PDE1C: variants seen among roughly 807,000 people sequenced by gnomAD.
PDE1C encodes the protein phosphodiesterase 1C, also known as dual specificity calcium/calmodulin-dependent 3',5'-cyclic nucleotide phosphodiesterase 1C.
A neutral mutation model predicts 93.1 loss-of-function variants in PDE1C; 62 were observed. That is an observed-to-expected ratio of 0.67 (90% confidence interval 0.54 to 0.82). PDE1C has a LOEUF of 0.82. Ranked by LOEUF, PDE1C falls within the 40% of genes least tolerant of loss-of-function variation. PDE1C has a pLI of 0.00. For missense variants in PDE1C, 742 were observed against 884.6 expected, an observed-to-expected ratio of 0.84 and a Z score of 2.04; for synonymous variants, 325 against 310.1, an observed-to-expected ratio of 1.05 and a Z score of -0.50.
At chr7:31,790,052 C>T (rs544989109) in intron 16 of PDE1C, 3 of 1,390,410 alleles carry the variant, frequency 2.2e-6, no homozygotes, top group East Asian at 5.4e-5. Flanking sequence ...AACCAACCCC[C>T]AAAGATTCAT....
At chr7:31,984,540 C>T (rs1194980373) in intron 2 of PDE1C, among the ~76,000 whole-genome samples, 1 of 152,204 alleles carries the variant, frequency 6.6e-6, no homozygotes, top group Non-Finnish European at 1.5e-5. Context: ...AAAGGTATCA[C>T]TCTTTCATGC....
At chr7:32,404,021 A>G (rs976246163) in intron 1 of PDE1C, among the ~76,000 whole-genome samples, 13 of 152,192 alleles carry the variant, frequency 8.5e-5, no homozygotes, top group African/African-American at 2.9e-4. Flanking sequence ...TCCTCCATCT[A>G]CATACACATG....
intron 1 of PDE1C, among the ~76,000 whole-genome samples, chr7:32,337,250 T>A (rs1783644716): frequency 6.6e-6 from 1 of 152,070 alleles, no homozygotes; most frequent in South Asian, 2.1e-4. Context: ...CCATAGACAC[T>A]ATGTTGAGCC....
rs572196451 is a variant in PDE1C, at chr7:31,880,879, A to G, written c.129-19T>C. The G allele has an allele frequency of 1.4e-6, 2 of 1,403,320 alleles. No individual in the cohort carries two copies. The highest frequency in any genetic ancestry group is 2.8e-5 in the African/African-American group (2 of 70,866). The allele number at this position is 1,403,320 out of a possible 1,614,324, so 86.9% of individuals were successfully genotyped here. ...CCGTAATCTAGAAAAATAAAAAGAC[A>G]TAATTTCATTAGAATAGAGGAAACA... On this transcript the variant is annotated intron_variant, in intron 2 of 17. Transcript: ENST00000396191.
chr7:31,769,921 T>A (rs953896039), intron 17 of PDE1C, among the ~76,000 whole-genome samples: 1 of 152,244 alleles, frequency 6.6e-6, no homozygotes, highest in Non-Finnish European at 1.5e-5. Context: ...TCATCCATGT[T>A]GTAAAATGTA....
chr7:31,708,668 C>T, the PDE1C span, among the ~76,000 whole-genome samples: 45 of 152,274 alleles, frequency 3.0e-4, no homozygotes, highest in Admixed American at 7.2e-4. Flanking sequence ...AGATTCTCTT[C>T]GAAAAATATC....
At chr7:31,622,273 A>C in the PDE1C span, among the ~76,000 whole-genome samples, 2 of 129,478 alleles carry the variant, frequency 1.5e-5, no homozygotes, top group East Asian at 2.7e-4. Flanking sequence ...CATCTACAGA[A>C]CTCTCCACCC....
At chr7:31,813,918 C>T (rs1384620842) in intron 15 of PDE1C, among the ~76,000 whole-genome samples, 1 of 152,092 alleles carries the variant, frequency 6.6e-6, no homozygotes, top group Non-Finnish European at 1.5e-5. Context: ...TTTGGTTTTC[C>T]ATTCCTGAGT....
At chr7:31,955,071 G>A (rs1807940219) in intron 2 of PDE1C, among the ~76,000 whole-genome samples, 1 of 152,078 alleles carries the variant, frequency 6.6e-6, no homozygotes, top group South Asian at 2.1e-4. Context: ...CTCTCTCTTT[G>A]TACTTTGAAT....
At chr7:32,367,402 C>G (rs1015826578) in intron 1 of PDE1C, among the ~76,000 whole-genome samples, 5 of 152,166 alleles carry the variant, frequency 3.3e-5, no homozygotes, top group African/African-American at 1.2e-4. Context: ...AGAGTAAGTT[C>G]TCACCTATCA....
intron 2 of PDE1C, among the ~76,000 whole-genome samples, chr7:32,171,653 C>T (rs544997491): frequency 6.6e-6 from 1 of 150,602 alleles, no homozygotes. Flanking sequence ...ATTTATTTAA[C>T]ATTTACATTG....
rs142150814 is a variant in PDE1C, at chr7:31,777,578, C to T, written c.1892-1846G>A. 4.0e-3 allele frequency among the ~76,000 whole-genome samples: 614 copies of T among 152,206 alleles called. 1 individual carries two copies. Among genetic ancestry groups the T allele is most frequent in the Non-Finnish European group, 7.3e-3 (495 of 67,998 alleles). On this transcript the variant is annotated intron_variant, in intron 16 of 17. Transcript: ENST00000396191. ...TCCTAACCTCGTGATCCACACACTTCGGGCTCTCAAAGTGCTGGGATTACA... is the reference window on the plus strand; with the variant it reads ...TCCTAACCTCGTGATCCACACACTTTGGGCTCTCAAAGTGCTGGGATTACA...
At chr7:32,267,540 A>T (rs1810672247) in intron 1 of PDE1C, among the ~76,000 whole-genome samples, 1 of 151,188 alleles carries the variant, frequency 6.6e-6, no homozygotes, top group Non-Finnish European at 1.5e-5. Flanking sequence ...TTTCCCTCAA[A>T]CTACAGAAAA....
intron 1 of PDE1C, among the ~76,000 whole-genome samples, chr7:32,316,032 T>C (rs533806411): frequency 4.6e-5 from 7 of 152,152 alleles, no homozygotes; most frequent in Non-Finnish European, 7.3e-5. Flanking sequence ...TTAAGATAAA[T>C]ATTAAACTAA....
At chr7:31,780,269 C>A (rs540272325) in intron 16 of PDE1C, among the ~76,000 whole-genome samples, 1 of 152,250 alleles carries the variant, frequency 6.6e-6, no homozygotes, top group South Asian at 2.1e-4. Flanking sequence ...GGGAGGGAAG[C>A]CTTACTTTCT....
intron 3 of PDE1C, chr7:32,169,676 T>G: frequency 1.1e-6 from 1 of 901,614 alleles, no homozygotes. Flanking sequence ...ATTTATTCAG[T>G]GCAAAGAAAT....
intron 17 of PDE1C, among the ~76,000 whole-genome samples, chr7:31,754,084 G>A (rs961077153): frequency 6.6e-6 from 1 of 152,122 alleles, no homozygotes; most frequent in African/African-American, 2.4e-5. Context: ...TTTAAAATGG[G>A]CAAAACATCT....
At chr7:32,356,178 A>T (rs1045172992) in intron 1 of PDE1C, among the ~76,000 whole-genome samples, 1 of 152,240 alleles carries the variant, frequency 6.6e-6, no homozygotes, top group African/African-American at 2.4e-5. Flanking sequence ...AAAATGTCTG[A>T]GCAGAGGATC....
intron 1 of PDE1C, among the ~76,000 whole-genome samples, chr7:32,378,132 A>G (rs1279570313): frequency 6.6e-6 from 1 of 152,084 alleles, no homozygotes; most frequent in African/African-American, 2.4e-5. Context: ...AGTCCTACCA[A>G]CTGGGTGCAT....
Sources: allele counts gnomAD v4.1 joint callset (sites outside exome capture counted in the v4.1 genomes callset), GRCh38; gene constraint gnomAD v4.1.1; transcripts MANE v1.5; gene names NCBI Gene and HGNC (gene_info 2026-07-23, HGNC 2026-07-21).